Variants in IL17RE observed in about 807,000 individuals in gnomAD.
IL17RE encodes the protein interleukin 17 receptor E, also known as interleukin-17 receptor E.
IL17RE carries 47 observed loss-of-function variants against 70.7 expected under a neutral mutation model. The ratio of observed to expected loss-of-function variants is 0.67; its 90% confidence interval spans 0.53 to 0.85. The LOEUF is 0.85. Ranked by LOEUF, IL17RE falls within the 40% of genes least tolerant of loss-of-function variation. The pLI is 0.00. For missense variants in IL17RE, 850 were observed against 893.9 expected (o/e 0.95, Z 0.63); for synonymous variants, 372 against 381.2 (o/e 0.98, Z 0.28).
intron 6 of IL17RE, among the ~76,000 whole-genome samples, chr3:9,907,459 G>A (rs927888351): frequency 6.6e-6 from 1 of 152,068 alleles, no homozygotes; most frequent in East Asian, 1.9e-4. Flanking sequence ...AGACGGCCTT[G>A]TCACCGGGAA....
At position 9,915,146 on chromosome 3, in the gene IL17RE, G is replaced by T; in HGVS notation, c.1448-105G>T. ...CCCAGAGCAAATAAGGGGCGGGGGCGGGGGCGGAGAGGCGAGCACCCTACG... is the reference window on the plus strand; with the variant it reads ...CCCAGAGCAAATAAGGGGCGGGGGCTGGGGCGGAGAGGCGAGCACCCTACG... On this transcript the variant is annotated intron_variant, in intron 15 of 15. Transcript: ENST00000383814. This position sits in a 1 kb window ranked among gnomAD's most constrained non-coding sequence, Gnocchi z 4.9. The T allele has an allele frequency of 1.5e-6, 2 of 1,325,250 alleles. No individual in the cohort carries two copies. Among genetic ancestry groups the T allele is most frequent in the Non-Finnish European group, 1.9e-6 (2 of 1,035,232 alleles). The allele number at this position is 1,325,250 out of a possible 1,614,324, so 82.1% of individuals were successfully genotyped here.
At chr3:9,914,916 G>A (rs1165147524) in intron 15 of IL17RE, 139 bp downstream of exon 15, 1 of 752,610 alleles carries the variant, frequency 1.3e-6, no homozygotes. Flanking sequence ...GCCCCCAAGT[G>A]AGCAGGAATG....
rs1480097265 is a variant in IL17RE, at chr3:9,911,565, A to G, written c.1195A>G (p.Thr399Ala). 2 of 1,613,976 alleles carry G rather than the reference A, an allele frequency of 1.2e-6. No homozygotes were observed. The highest frequency in any genetic ancestry group is 3.3e-5 in the Admixed American group (2 of 60,014). The change falls in exon 12 of 16, where the codon ACT becomes GCT. Residue 399 changes from threonine to alanine, a missense_variant. Transcript: ENST00000383814. ...GAGCCTCCCAGGCTTGGGGCAGGAC[A>G]CTTTGGTGCCCCCCGTGTACACTGT... ...AWSLPGLGQD[T>A]LVPPVYTVSQ...
intron 4 of IL17RE, 82 bp from the exon 5 acceptor site, chr3:9,906,624 A>G (rs1315198705): frequency 6.5e-7 from 1 of 1,535,634 alleles, no homozygotes. Context: ...ACTTGCCTGT[A>G]GTACCTCAGG....
intron 13 of IL17RE, chr3:9,914,253 A>AT: frequency 1.4e-6 from 1 of 711,028 alleles, no homozygotes. Flanking sequence ...CATGGTGACA[A>AT]TGGCCTGGAG....
chr3:9,911,587 CTG>C lies in IL17RE; in HGVS notation c.1219_1220del (p.Val407GlnfsTer103). The stretch of plus-strand genomic sequence containing the variant: ...GACACTTTGGTGCCCCCCGTGTACA[CTG>C]TCAGCCAGGTATGGCCTCGCCCCCA... On this transcript the variant is annotated frameshift_variant, in exon 12 of 16. Transcript: ENST00000383814. LOFTEE classifies it high-confidence loss of function. 6.2e-7 allele frequency: 1 copy of C among 1,612,454 alleles called. No homozygotes were observed. Among genetic ancestry groups the C allele is most frequent in the Non-Finnish European group, 8.5e-7 (1 of 1,178,602 alleles).
In IL17RE at chr3:9,915,393, G is replaced by C; in HGVS notation, c.1590G>C (p.Arg530Ser). 2.9e-6 allele frequency: 4 copies of C among 1,363,380 alleles called. No individual in the cohort carries two copies. Among genetic ancestry groups the C allele is most frequent in the Non-Finnish European group, 3.7e-6 (4 of 1,068,494 alleles). 84.5% of individuals were successfully genotyped at this position (1,363,380 alleles called of 1,614,324 possible). The change falls in exon 16 of 16, where the codon AGG becomes AGC. Residue 530 changes from arginine (R) to serine (S), a missense_variant. By Grantham distance (110) the Arg-to-Ser change is moderately radical (BLOSUM62 -1). Transcript: ENST00000383814. The surrounding 1 kb of genome is among the most constrained non-coding windows in gnomAD (Gnocchi z 4.9). ...TGATCGTGGACCTGTGGGAGGGGAG[G>C]CACGTGGCGCGCGTGGGCCCGCTGC... ...RDVIVDLWEG[R>S]HVARVGPLPW...
chr3:9,902,837 C>T, upstream of IL17RE: 1 of 1,602,840 alleles, frequency 6.2e-7, no homozygotes, highest in East Asian at 2.2e-5. Flanking sequence ...GCGAGGGCTC[C>T]TGCTGGTACT....
rs1169711061 is a variant in IL17RE at position 9,916,272 on chromosome 3, G to A, written c.*465G>A. Reference sequence around the variant, plus strand: ...CTGGCCAGAGGGAGAGAGGACTCTGGACCTAGGAAAAGAGGCTTTTGGCTC... The same window carrying A: ...CTGGCCAGAGGGAGAGAGGACTCTGAACCTAGGAAAAGAGGCTTTTGGCTC... On this transcript the variant is annotated 3_prime_UTR_variant, in exon 16 of 16. Transcript: ENST00000383814. 8.0e-6 allele frequency: 1 copy of A among 125,336 alleles called. No individual in the cohort carries two copies. Among genetic ancestry groups the A allele is most frequent in the Admixed American group, 1.1e-4 (1 of 9,414 alleles). The allele number at this position is 125,336 out of a possible 1,614,324, so 7.8% of individuals were successfully genotyped here.
At chr3:9,907,911 G>A (rs1164287789) in intron 6 of IL17RE, among the ~76,000 whole-genome samples, 1 of 152,120 alleles carries the variant, frequency 6.6e-6, no homozygotes, top group Non-Finnish European at 1.5e-5. Context: ...ATAACAGTGA[G>A]GATACCTCAT....
intron 12 of IL17RE, among the ~76,000 whole-genome samples, chr3:9,913,424 A>C (rs1342406233): frequency 6.6e-6 from 1 of 151,930 alleles, no homozygotes; most frequent in Non-Finnish European, 1.5e-5. Context: ...TAAATAAATA[A>C]ATAAATAAAT....
chr3:9,914,350 G>T, intron 13 of IL17RE, 198 bp from the exon 14 acceptor site: 1 of 1,414,948 alleles, frequency 7.1e-7, no homozygotes, highest in South Asian at 1.5e-5. Context: ...TACTTTTTGA[G>T]TTTGGCCCCT....
intron 3 of IL17RE, among the ~76,000 whole-genome samples, chr3:9,904,408 C>A (rs531387013): frequency 3.9e-5 from 6 of 152,142 alleles, no homozygotes; most frequent in African/African-American, 1.2e-4. Context: ...ATTTGTAGAG[C>A]AGGATCTTCT....
rs200521188 is a variant in IL17RE, at chr3:9,915,349, C to G, written c.1546C>G (p.Leu516Val). 5.1e-6 allele frequency: 7 copies of G among 1,372,054 alleles called. No individual in the cohort carries two copies. The highest frequency in any genetic ancestry group is 9.3e-7 in the Non-Finnish European group (1 of 1,072,264). 85.0% of individuals were successfully genotyped at this position (1,372,054 alleles called of 1,614,324 possible). A position where few individuals can be genotyped will look rare whatever the true frequency, so the allele number is the denominator to read the frequency against. The part of the protein sequence containing the change: ...GALAELLRAA[L>V]GGGRDVIVDL... ...GCTGGCTGAACTGCTACGGGCAGCGCTGGGCGGCGGGCGCGACGTGATCGT... is the reference window on the plus strand; with the variant it reads ...GCTGGCTGAACTGCTACGGGCAGCGGTGGGCGGCGGGCGCGACGTGATCGT... The change falls in exon 16 of 16, where the codon CTG becomes GTG. Residue 516 changes from leucine (L) to valine (V), a missense_variant. Leu to Val is a conservative substitution (Grantham distance 32). Coordinates refer to ENST00000383814, the MANE Select transcript of IL17RE (RefSeq NM_153480.2). This position sits in a 1 kb window ranked among gnomAD's most constrained non-coding sequence, Gnocchi z 4.9.
At chr3:9,909,366 C>G in intron 8 of IL17RE, 83 bp downstream of exon 8, 1 of 1,156,976 alleles carries the variant, frequency 8.6e-7, no homozygotes, top group Non-Finnish European at 1.3e-6. Flanking sequence ...CACACACACA[C>G]ACACACACCC....
upstream of IL17RE, chr3:9,902,686 C>T: frequency 6.5e-7 from 1 of 1,536,162 alleles, no homozygotes; most frequent in Non-Finnish European, 8.7e-7. Flanking sequence ...AGCCCCTTGT[C>T]TTTCAGGTGG....
At chr3:9,907,628 A>C (rs1007787539) in intron 6 of IL17RE, among the ~76,000 whole-genome samples, 12 of 152,304 alleles carry the variant, frequency 7.9e-5, no homozygotes, top group African/African-American at 2.2e-4. Context: ...GTAAGAAAAA[A>C]GAATTGTTAA....
In IL17RE at chr3:9,911,807, C is replaced by CTT. The variant is rs1301505891; in HGVS notation, c.1227+221_1227+222dup. The CTT allele has an allele frequency of 2.4e-3, 955 of 394,950 alleles. 4 individuals are homozygous for CTT. The highest frequency in any genetic ancestry group is 0.015 in the African/African-American group (694 of 46,186). 24.5% of individuals were successfully genotyped at this position (394,950 alleles called of 1,614,324 possible). A position where few individuals can be genotyped will look rare whatever the true frequency, so the allele number is the denominator to read the frequency against. ...AGCATTTTCTTTTTTTTCTTTTTTT[C>CTT]TTTTTTTTTTTTGAGACAGAGTCTC... On this transcript the variant is annotated intron_variant, in intron 12 of 15. Coordinates refer to ENST00000383814, the MANE Select transcript of IL17RE (RefSeq NM_153480.2).
At chr3:9,906,312 G>T in intron 3 of IL17RE, 52 bp from the exon 4 acceptor site, 1 of 1,004,494 alleles carries the variant, frequency 1.0e-6, no homozygotes, top group Non-Finnish European at 1.6e-6. Context: ...ACATCTCCAG[G>T]CAGGGGAGGG....
Sources: allele counts gnomAD v4.1 joint callset (sites outside exome capture counted in the v4.1 genomes callset), GRCh38; gene constraint gnomAD v4.1.1; non-coding constraint Gnocchi (gnomAD v3.1); transcripts MANE v1.5; gene names NCBI Gene and HGNC (gene_info 2026-07-23, HGNC 2026-07-21).